Variants in MTFR1 observed in about 807,000 individuals in gnomAD.
MTFR1 encodes the protein mitochondrial fission regulator 1, also known as chondrocyte protein with a poly-proline region.
In MTFR1, 28 loss-of-function variants were observed where a neutral mutation model predicts 38.8. The ratio of observed to expected loss-of-function variants is 0.72; its 90% CI spans 0.53 to 0.99. The LOEUF is 0.99. MTFR1 is among the 50% of genes least tolerant of loss of function. The probability of loss-of-function intolerance (pLI) is 0.00; values close to 1 mark genes in which losing one functional copy is unlikely to be tolerated. For missense variants in MTFR1, 358 were observed against 395.5 expected, an observed-to-expected ratio of 0.91 and a Z score of 0.81; for synonymous variants, 145 against 137.0, an observed-to-expected ratio of 1.06 and a Z score of -0.41.
chr8:65,744,601 C>T (rs1224477007), intron 3 of MTFR1, among the ~76,000 whole-genome samples: 2 of 152,306 alleles, frequency 1.3e-5, no homozygotes, highest in East Asian at 3.9e-4. Context: ...CTTAAAGAAG[C>T]TACAGCTCTT....
rs34371328 is a variant in MTFR1 at position 65,762,991 on chromosome 8, ATGTGTGTGTG to A, written c.*49-7918_*49-7909del. Among the ~76,000 whole-genome samples the A allele has an allele frequency of 4.3e-3, 594 of 138,586 alleles. 2 individuals are homozygous for A. The highest frequency in any genetic ancestry group is 0.012 in the African/African-American group (449 of 37,656). The allele number at this position is 138,586 out of a possible 152,430, so 90.9% of individuals were successfully genotyped here. A position where few individuals can be genotyped will look rare whatever the true frequency, so the allele number is the denominator to read the frequency against. ...ATCTCTTTATATTTATATAAAAACA[ATGTGTGTGTG>A]TGTGTGTGTGTGTGTGTGTGTGTGT... is the stretch of plus-strand genomic sequence containing the variant. On this transcript the variant is annotated intron_variant, in intron 3 of 3. Transcript: ENST00000521247.
intron 1 of MTFR1, among the ~76,000 whole-genome samples, chr8:65,664,205 G>A (rs1804303519): frequency 6.6e-6 from 1 of 152,266 alleles, no homozygotes; most frequent in Non-Finnish European, 1.5e-5. Flanking sequence ...AGAGAAATGA[G>A]CATTTACGTG....
At position 65,645,751 on chromosome 8, in the gene MTFR1, ACTCCTTGGCTTAAGCGATCCTCC is replaced by A. The variant is rs954609367; in HGVS notation, c.-81+977_-81+999del. Among the ~76,000 whole-genome samples, 3 of 130,710 alleles carry A rather than the reference ACTCCTTGGCTTAAGCGATCCTCC, an allele frequency of 2.3e-5. No homozygotes were observed. In the Admixed American group the frequency reaches 2.7e-4, roughly 12 times the overall value. 85.8% of individuals were successfully genotyped at this position (130,710 alleles called of 152,430 possible). A position where few individuals can be genotyped will look rare whatever the true frequency, so the allele number is the denominator to read the frequency against. Reference sequence around the variant, plus strand: ...CTTATGTTGCTCAGGCTATCTTTGAACTCCTTGGCTTAAGCGATCCTCCCTCCTTGGCCTCCCAAAGTGTTGGG... The same window carrying A: ...CTTATGTTGCTCAGGCTATCTTTGAACTCCTTGGCCTCCCAAAGTGTTGGG... On this transcript the variant is annotated intron_variant, in intron 1 of 7. Coordinates refer to ENST00000262146, the MANE Select transcript of MTFR1 (RefSeq NM_014637.4).
the MTFR1 span, among the ~76,000 whole-genome samples, chr8:65,777,291 C>G: frequency 6.6e-5 from 10 of 151,908 alleles, no homozygotes; most frequent in Non-Finnish European, 1.2e-4. Context: ...GTTGGTCAGG[C>G]TGGTCTCGAA....
At chr8:65,739,314 A>T (rs1165250802) in intron 3 of MTFR1, among the ~76,000 whole-genome samples, 6 of 152,290 alleles carry the variant, frequency 3.9e-5, no homozygotes, top group Non-Finnish European at 7.4e-5. Flanking sequence ...GCTCACCCAG[A>T]CCAGACCAAA....
chr8:65,655,500 A>T (rs1809230605), intron 1 of MTFR1, among the ~76,000 whole-genome samples: 1 of 152,212 alleles, frequency 6.6e-6, no homozygotes, highest in Non-Finnish European at 1.5e-5. Context: ...CATATGGAAT[A>T]TTAATTCAAA....
intron 1 of MTFR1, among the ~76,000 whole-genome samples, chr8:65,657,725 C>G (rs1468441504): frequency 6.7e-6 from 1 of 149,524 alleles, no homozygotes; most frequent in African/African-American, 2.5e-5. Flanking sequence ...AAAAAAAGCA[C>G]TAATTGGGTA....
downstream of MTFR1, chr8:65,714,689 AAAC>A (rs1806063872): frequency 6.6e-6 from 1 of 152,224 alleles, no homozygotes; most frequent in Admixed American, 6.5e-5. Flanking sequence ...AGGGGATTTT[AAAC>A]AACATTTATA....
Position 65,709,686 on chromosome 8 carries a change from G to A in MTFR1, c.*642G>A, listed in dbSNP as rs1318664392. 1.3e-5 allele frequency: 2 copies of A among 152,762 alleles called. No homozygotes were observed. Among genetic ancestry groups the A allele is most frequent in the East Asian group, 3.9e-4 (2 of 5,188 alleles). 9.5% of individuals were successfully genotyped at this position (152,762 alleles called of 1,614,324 possible). A position where few individuals can be genotyped will look rare whatever the true frequency, so the allele number is the denominator to read the frequency against. ...ATTCCATAATGCTTCCCATTGAAGG[G>A]AAGTTGAGAACCAGGAAAGCTGCTT... On this transcript the variant is annotated 3_prime_UTR_variant, in exon 8 of 8. Transcript: ENST00000262146.
At chr8:65,660,536 C>T (rs1327753518) in intron 1 of MTFR1, among the ~76,000 whole-genome samples, 1 of 152,144 alleles carries the variant, frequency 6.6e-6, no homozygotes, top group East Asian at 1.9e-4. Flanking sequence ...TCAGCTTGAG[C>T]TTGGATATCC....
intron 3 of MTFR1, chr8:65,727,799 C>T (rs911103093): frequency 3.3e-5 from 5 of 152,388 alleles, no homozygotes; most frequent in African/African-American, 1.2e-4. Flanking sequence ...ACTGAGTAAT[C>T]ATGTTAAGTG....
chr8:65,682,519 G>T, intron 3 of MTFR1, 68 bp downstream of exon 3: 10 of 865,802 alleles, frequency 1.2e-5, no homozygotes, highest in East Asian at 7.9e-5. Context: ...AGGCAAGATG[G>T]TTTTAAAAGC....
At position 65,691,531 on chromosome 8, in the gene MTFR1, C is replaced by T. The variant is rs192270819; in HGVS notation, c.166-2113C>T. 3.7e-3 allele frequency among the ~76,000 whole-genome samples: 564 copies of T among 152,286 alleles called. 3 individuals carry two copies. The highest frequency in any genetic ancestry group is 0.014 in the Middle Eastern group (4 of 294). On this transcript the variant is annotated intron_variant, in intron 3 of 7. Transcript: ENST00000262146. ...GTCTCAAGCTCCTGGGGCCTCAAGC[C>T]ATCCGCCATCTTGTCCTCCCAAAGT...
chr8:65,646,397 A>G (rs1808966035), intron 1 of MTFR1, among the ~76,000 whole-genome samples: 2 of 152,176 alleles, frequency 1.3e-5, no homozygotes, highest in African/African-American at 2.4e-5. Flanking sequence ...TGTGGAATAA[A>G]TGGAACTGCT....
intron 1 of MTFR1, among the ~76,000 whole-genome samples, chr8:65,645,627 G>T (rs1808937155): frequency 6.7e-6 from 1 of 148,878 alleles, no homozygotes; most frequent in Non-Finnish European, 1.5e-5. Context: ...CTGGGCCCCA[G>T]CGATCCTCAC....
intron 2 of MTFR1, among the ~76,000 whole-genome samples, chr8:65,674,496 C>CA (rs746442075): frequency 2.8e-4 from 43 of 151,904 alleles, no homozygotes; most frequent in East Asian, 1.6e-3. Flanking sequence ...CCTGTAGTCC[C>CA]AGCTACTTGG....
chr8:65,749,792 G>A (rs1197828108), intron 3 of MTFR1, among the ~76,000 whole-genome samples: 1 of 152,154 alleles, frequency 6.6e-6, no homozygotes, highest in Non-Finnish European at 1.5e-5. Context: ...TATAAAGCCT[G>A]TTTACTCACA....
At chr8:65,660,067 A>G (rs2129048799) in intron 1 of MTFR1, among the ~76,000 whole-genome samples, 1 of 152,294 alleles carries the variant, frequency 6.6e-6, no homozygotes, top group Admixed American at 6.5e-5. Context: ...AGGCTGGTGG[A>G]TCACCTGAGG....
the MTFR1 span, among the ~76,000 whole-genome samples, chr8:65,776,372 G>T: frequency 6.6e-6 from 1 of 152,012 alleles, no homozygotes. Context: ...TAATAAGTTT[G>T]ATATCTATGA....
Sources: gnomAD v4.1 joint callset for allele counts (sites outside exome capture counted in the v4.1 genomes callset) on GRCh38, gnomAD v4.1.1 for gene constraint, MANE v1.5 for transcripts, NCBI Gene and HGNC (gene_info 2026-07-23, HGNC 2026-07-21) for gene names.